Variants in JMJD1C observed in about 807,000 individuals in gnomAD.
JMJD1C encodes jumonji domain containing 1C, also known as jumonji domain-containing protein 1C.
In JMJD1C, 31 loss-of-function variants were observed where a neutral mutation model predicts 245.3. That is an observed-to-expected ratio of 0.13 (90% CI 0.09 to 0.17). The LOEUF (loss-of-function observed/expected upper bound fraction) is 0.17. Ranked by LOEUF, JMJD1C falls within the 10% of genes least tolerant of loss-of-function variation. The pLI, the probability that JMJD1C is intolerant of heterozygous loss-of-function variation, is 1.00. For synonymous variants in JMJD1C, 1,057 were observed against 1,017.4 expected (o/e 1.04, Z -0.74); for missense variants, 2,691 against 3,000.2 (o/e 0.90, Z 2.41).
intron 1 of JMJD1C, among the ~76,000 whole-genome samples, chr10:63,453,444 G>C (rs557836823): frequency 6.6e-6 from 1 of 151,832 alleles, no homozygotes; most frequent in African/African-American, 2.4e-5. Context: ...CTGATCTTGC[G>C]GTACAAGAAA....
rs1564621824 is a variant in JMJD1C at position 63,214,435 on chromosome 10, T to G, written c.1732A>C (p.Ser578Arg). The change falls in exon 8 of 26, where the codon AGT (serine) becomes CGT (arginine). Residue 578 changes from serine to arginine, a missense_variant. Physicochemically the swap from Ser to Arg is moderately radical, Grantham distance 110. Around this residue, in one of 9 missense-constraint regions of JMJD1C, gnomAD observed 1,562 missense variants for 1,490.7 expected, o/e 1.05. Transcript: ENST00000399262. ...DVVKVDLTQS[S>R]VTNASSGNDH... Reference sequence around the variant, plus strand: ...TTTCCTGAAGAAGCATTTGTAACACTTGATTGGGTTAGATCCACTTTAACT... The same window carrying G: ...TTTCCTGAAGAAGCATTTGTAACACGTGATTGGGTTAGATCCACTTTAACT... 2 of 1,613,876 alleles carry G rather than the reference T, an allele frequency of 1.2e-6. No individual in the cohort carries two copies.
chr10:63,375,745 G>T (rs1946690821), intron 2 of JMJD1C, among the ~76,000 whole-genome samples: 1 of 151,794 alleles, frequency 6.6e-6, no homozygotes, highest in Admixed American at 6.6e-5. Flanking sequence ...TGCAGAGAAG[G>T]GGGCTCGCTG....
intron 3 of JMJD1C, among the ~76,000 whole-genome samples, chr10:63,245,017 A>T (rs1182011264): frequency 6.6e-6 from 1 of 151,446 alleles, no homozygotes; most frequent in African/African-American, 2.4e-5. Flanking sequence ...GGTGCCTGTA[A>T]TCCTAGCTAT....
intron 10 of JMJD1C, chr10:63,202,307 C>A (rs1372664699): frequency 1.0e-6 from 1 of 984,822 alleles, no homozygotes; most frequent in East Asian, 1.1e-4. Flanking sequence ...TAGTTGTTGG[C>A]TCTAACTTGT....
intron 2 of JMJD1C, among the ~76,000 whole-genome samples, chr10:63,377,564 G>A (rs1428038046): frequency 2.0e-5 from 3 of 151,950 alleles, no homozygotes; most frequent in Admixed American, 6.6e-5. Flanking sequence ...GAAAAACCCT[G>A]TCTCTACTAA....
chr10:63,520,242 T>C (rs565571904), intron 1 of JMJD1C, among the ~76,000 whole-genome samples: 1 of 152,284 alleles, frequency 6.6e-6, no homozygotes, highest in South Asian at 2.1e-4. Context: ...GTGCCTCATA[T>C]CACCCTTGAA....
intron 2 of JMJD1C, among the ~76,000 whole-genome samples, chr10:63,321,073 A>C (rs1453631733): frequency 6.6e-6 from 1 of 152,248 alleles, no homozygotes; most frequent in African/African-American, 2.4e-5. Flanking sequence ...AGACTGGTGT[A>C]CAAGAACACA....
chr10:63,187,311 T>C (rs996799008), intron 18 of JMJD1C, among the ~76,000 whole-genome samples: 18 of 152,192 alleles, frequency 1.2e-4, no homozygotes, highest in African/African-American at 3.9e-4. Flanking sequence ...CTAGTATCTA[T>C]CCAATAATAT....
At chr10:63,291,282 T>TG (rs747554348) in intron 2 of JMJD1C, among the ~76,000 whole-genome samples, 1 of 102,176 alleles carries the variant, frequency 9.8e-6, no homozygotes, top group Non-Finnish European at 1.8e-5. Flanking sequence ...CACTCCAGCC[T>TG]GGGAAAAAAG....
intron 23 of JMJD1C, chr10:63,177,383 T>C (rs532079320): frequency 3.7e-5 from 10 of 267,546 alleles, no homozygotes; most frequent in African/African-American, 2.1e-4. Flanking sequence ...GACGTTTCCA[T>C]GAAATATTTG....
In JMJD1C at chr10:63,337,282, A is replaced by C. The variant is rs1290476808; in HGVS notation, c.333+43036T>G. ...TATGGTGAAACCCCATGTCTACTGAAAATATAAAAATTAGCCGGGCGTGGT... is the reference window on the plus strand; with the variant it reads ...TATGGTGAAACCCCATGTCTACTGACAATATAAAAATTAGCCGGGCGTGGT... On this transcript the variant is annotated intron_variant, in intron 2 of 25. Transcript: ENST00000399262. 2.6e-5 allele frequency among the ~76,000 whole-genome samples: 4 copies of C among 151,122 alleles called. No individual in the cohort carries two copies. The East Asian group carries it at 7.9e-4, about 30-fold the overall frequency.
intron 2 of JMJD1C, among the ~76,000 whole-genome samples, chr10:63,303,989 T>C (rs560007918): frequency 1.3e-5 from 2 of 152,322 alleles, no homozygotes; most frequent in East Asian, 3.9e-4. Flanking sequence ...GTGTCTGTTA[T>C]GGAACTGATG....
intron 1 of JMJD1C, 94 bp downstream of exon 1, chr10:63,465,401 G>T: frequency 2.3e-6 from 3 of 1,291,886 alleles, no homozygotes; most frequent in Non-Finnish European, 3.1e-6. Flanking sequence ...AGTTGGCCGG[G>T]CTGAGCGAGG....
chr10:63,427,924 A>G, intron 1 of JMJD1C: 5 of 714,330 alleles, frequency 7.0e-6, no homozygotes, highest in Non-Finnish European at 1.3e-5. Context: ...GCAGCCACCT[A>G]GAAGCAGCAG....
At chr10:63,371,228 C>A (rs1156841689) in intron 2 of JMJD1C, among the ~76,000 whole-genome samples, 1 of 151,936 alleles carries the variant, frequency 6.6e-6, no homozygotes, top group Non-Finnish European at 1.5e-5. Flanking sequence ...GCAATTCTCC[C>A]GCCTCAACCT....
chr10:63,184,804 T>C (rs1265725056), intron 20 of JMJD1C, 66 bp from the exon 21 acceptor site: 1 of 1,466,256 alleles, frequency 6.8e-7, no homozygotes, highest in East Asian at 2.3e-5. Flanking sequence ...TTCACATATA[T>C]AATTTTCAAG....
intron 1 of JMJD1C, chr10:63,427,498 C>A: frequency 1.5e-6 from 2 of 1,296,758 alleles, no homozygotes. Context: ...CTGGGCCAAG[C>A]AACTGTTTCC....
chr10:63,320,092 G>A (rs755356344), intron 2 of JMJD1C, among the ~76,000 whole-genome samples: 9 of 152,166 alleles, frequency 5.9e-5, no homozygotes, highest in Non-Finnish European at 1.2e-4. Context: ...TTTTAGTAGA[G>A]ATGGTGTTTC....
At chr10:63,208,886 T>C (rs1361240279) in intron 9 of JMJD1C, 85 bp from the exon 10 acceptor site, 2 of 1,192,352 alleles carry the variant, frequency 1.7e-6, no homozygotes, top group Non-Finnish European at 2.3e-6. Context: ...CATTCTATTA[T>C]GAAAGTAAAA....
Sources: allele counts gnomAD v4.1 joint callset (sites outside exome capture counted in the v4.1 genomes callset), GRCh38; gene constraint gnomAD v4.1.1; regional missense constraint gnomAD v4.1.1; transcripts MANE v1.5; gene names NCBI Gene and HGNC (gene_info 2026-07-23, HGNC 2026-07-21).